The following ERC2 variants were observed in gnomAD, a reference collection of about 807,000 sequenced individuals.
ERC2 encodes the protein ERC protein 2.
A neutral mutation model predicts 114.8 loss-of-function variants in ERC2; 42 were observed. The observed-to-expected ratio is 0.37, with a 90% CI of 0.29 to 0.47. The LOEUF is 0.47. Ranked by LOEUF, ERC2 falls within the 20% of genes least tolerant of loss-of-function variation. The pLI, the probability that ERC2 is intolerant of heterozygous loss-of-function variation, is 0.99. For synonymous variants in ERC2, 454 were observed against 425.5 expected, an observed-to-expected ratio of 1.07 and a Z score of -0.82; for missense variants, 939 against 1,150.7, an observed-to-expected ratio of 0.82 and a Z score of 2.66.
chr3:55,646,601 C>T (rs1321294630), intron 17 of ERC2, among the ~76,000 whole-genome samples: 1 of 152,130 alleles, frequency 6.6e-6, no homozygotes, highest in African/African-American at 2.4e-5. Flanking sequence ...ATTATGTGTG[C>T]TAGACACTGT....
chr3:56,019,113 AAAAG>A (rs928965543), intron 7 of ERC2, 82 bp from the exon 8 acceptor site: 2 of 1,009,668 alleles, frequency 2.0e-6, no homozygotes, highest in Non-Finnish European at 2.9e-6. Flanking sequence ...TATTAATAAA[AAAAG>A]AAAGAAAAAG....
intron 17 of ERC2, among the ~76,000 whole-genome samples, chr3:55,597,857 C>T (rs2058221663): frequency 6.6e-6 from 1 of 152,190 alleles, no homozygotes; most frequent in South Asian, 2.1e-4. Context: ...ATCAGGATTA[C>T]TTGTGTTACA....
At chr3:56,432,783 T>C (rs1576937382) in intron 2 of ERC2, among the ~76,000 whole-genome samples, 1 of 152,320 alleles carries the variant, frequency 6.6e-6, no homozygotes, top group East Asian at 1.9e-4. Flanking sequence ...AAATCACTTG[T>C]TCAGTCAACT....
At chr3:55,828,077 C>T (rs542279453) in intron 14 of ERC2, among the ~76,000 whole-genome samples, 3 of 152,342 alleles carry the variant, frequency 2.0e-5, no homozygotes, top group South Asian at 4.1e-4. Context: ...GGAAAAATCA[C>T]GTAAGTACAA....
intron 14 of ERC2, among the ~76,000 whole-genome samples, chr3:55,862,395 G>A (rs145626235): frequency 6.6e-6 from 1 of 152,188 alleles, no homozygotes; most frequent in Non-Finnish European, 1.5e-5. Flanking sequence ...TACAGGTAAG[G>A]TCATTTGGCA....
chr3:56,384,669 G>A (rs533791623), intron 2 of ERC2, among the ~76,000 whole-genome samples: 1 of 152,106 alleles, frequency 6.6e-6, no homozygotes, highest in African/African-American at 2.4e-5. Flanking sequence ...TTTTCACCTT[G>A]ATAGTGTTTT....
intron 2 of ERC2, among the ~76,000 whole-genome samples, chr3:56,330,995 T>C (rs181448930): frequency 1.7e-3 from 254 of 152,300 alleles, no homozygotes; most frequent in African/African-American, 5.8e-3. Flanking sequence ...CATCCAGCAA[T>C]TGTGATTCCA....
chr3:56,203,619 G>C (rs1032238566), intron 3 of ERC2, among the ~76,000 whole-genome samples: 3 of 152,074 alleles, frequency 2.0e-5, no homozygotes, highest in African/African-American at 7.2e-5. Context: ...GACATATCAG[G>C]GATTGAGTAT....
intron 17 of ERC2, among the ~76,000 whole-genome samples, chr3:55,591,473 G>A (rs754309763): frequency 5.3e-5 from 8 of 152,094 alleles, no homozygotes; most frequent in Middle Eastern, 3.4e-3. Flanking sequence ...TTCCACATGC[G>A]GACACTGAGA....
At chr3:55,936,526 T>C (rs2066456358) in intron 13 of ERC2, among the ~76,000 whole-genome samples, 1 of 152,152 alleles carries the variant, frequency 6.6e-6, no homozygotes, top group Admixed American at 6.5e-5. Context: ...GAACTATTAA[T>C]TAGAAAGAGC....
chr3:56,104,735 C>T (rs533409435), intron 6 of ERC2, among the ~76,000 whole-genome samples: 2 of 151,912 alleles, frequency 1.3e-5, no homozygotes, highest in African/African-American at 2.4e-5. Flanking sequence ...CAAAGAATTT[C>T]ATCCATTTAT....
intron 14 of ERC2, among the ~76,000 whole-genome samples, chr3:55,741,730 C>G (rs934329800): frequency 1.3e-5 from 2 of 151,984 alleles, no homozygotes; most frequent in African/African-American, 4.8e-5. Flanking sequence ...GTCTATGCCC[C>G]AAAATGTAGC....
At chr3:56,321,460 C>G (rs2057122977) in intron 2 of ERC2, among the ~76,000 whole-genome samples, 1 of 152,154 alleles carries the variant, frequency 6.6e-6, no homozygotes, top group African/African-American at 2.4e-5. Context: ...AAGAGCTTAT[C>G]TGAGCAAATG....
chr3:55,906,046 T>C (rs2064415148), intron 13 of ERC2, among the ~76,000 whole-genome samples: 1 of 152,194 alleles, frequency 6.6e-6, no homozygotes. Context: ...TTGCTCCATG[T>C]CTAACTTACT....
intron 6 of ERC2, among the ~76,000 whole-genome samples, chr3:56,119,332 T>C (rs777173864): frequency 6.6e-6 from 1 of 152,234 alleles, no homozygotes; most frequent in Non-Finnish European, 1.5e-5. Context: ...TTTGTTAAAA[T>C]GGGATCATGT....
intron 4 of ERC2, among the ~76,000 whole-genome samples, chr3:56,170,585 GTTTTTTTTT>G (rs1178172687): frequency 8.1e-5 from 5 of 61,764 alleles, no homozygotes; most frequent in Non-Finnish European, 1.6e-4. Flanking sequence ...AATCTCTTCT[GTTTTTTTTT>G]TTTTTTTTTT....
chr3:55,730,507 T>C (rs537484521), intron 15 of ERC2, among the ~76,000 whole-genome samples: 2 of 152,242 alleles, frequency 1.3e-5, no homozygotes, highest in Non-Finnish European at 2.9e-5. Flanking sequence ...ACCTACTATG[T>C]GCCTGGCAAT....
rs555489225 is a variant in ERC2 at position 56,281,204 on chromosome 3, G to A, written c.1074+14815C>T. Among the ~76,000 whole-genome samples the A allele has an allele frequency of 4.6e-5, 7 of 152,034 alleles. No individual in the cohort carries two copies. The South Asian group carries it at 1.0e-3, about 23-fold the overall frequency. ...TGTAATCCCAGCACTTTGGGAGGCC[G>A]AGGCGGGCGGATCACGAGGTCAGGA... On this transcript the variant is annotated intron_variant, in intron 3 of 17. Transcript: ENST00000288221.
At chr3:55,948,158 C>T (rs1314460581) in intron 13 of ERC2, among the ~76,000 whole-genome samples, 3 of 152,194 alleles carry the variant, frequency 2.0e-5, no homozygotes, top group Non-Finnish European at 4.4e-5. Context: ...TCTCTTGGTG[C>T]TCTTCTTTGA....
Sources: gnomAD v4.1 joint callset for allele counts (sites outside exome capture counted in the v4.1 genomes callset) on GRCh38, gnomAD v4.1.1 for gene constraint, MANE v1.5 for transcripts, NCBI Gene and HGNC (gene_info 2026-07-23, HGNC 2026-07-21) for gene names.